PTGER3: variants seen among roughly 807,000 people sequenced by gnomAD.
PTGER3 encodes prostaglandin E2 receptor EP3 subtype.
A neutral mutation model predicts 34.7 loss-of-function variants in PTGER3; 22 were observed. That is an observed-to-expected ratio of 0.63 (90% confidence interval 0.45 to 0.91). The LOEUF (loss-of-function observed/expected upper bound fraction) is 0.91. Ranked by LOEUF, PTGER3 falls within the 40% of genes least tolerant of loss-of-function variation. PTGER3 has a pLI of 0.00. For missense variants in PTGER3, 468 were observed against 519.4 expected, an observed-to-expected ratio of 0.90 and a Z score of 0.96; for synonymous variants, 241 against 230.1, an observed-to-expected ratio of 1.05 and a Z score of -0.43.
chr1:71,047,562 C>T lies in PTGER3; in HGVS notation c.16G>A (p.Gly6Ser), dbSNP rs748393456. The T allele has an allele frequency of 8.4e-6, 13 of 1,552,318 alleles. No homozygotes were observed. The highest frequency in any genetic ancestry group is 2.3e-5 in the East Asian group (1 of 42,756). Reference protein sequence around the residue: MKETRGYGGDAPFCTR... With the variant: MKETRSYGGDAPFCTR... ...CAGAAGGGGGCATCCCCTCCGTAGCCCCGGGTCTCCTTCATGTTGGCTTCG... is the reference window on the plus strand; with the variant it reads ...CAGAAGGGGGCATCCCCTCCGTAGCTCCGGGTCTCCTTCATGTTGGCTTCG... Residue 6 changes from glycine (G) to serine (S), a missense_variant, in exon 1 of 4, where the codon GGC becomes AGC. Coordinates refer to ENST00000306666, the MANE Select transcript of PTGER3 (RefSeq NM_198719.2).
At chr1:70,951,406 A>C (rs1163149642), downstream of PTGER3, 1 of 152,222 alleles carries the variant, frequency 6.6e-6, no homozygotes, top group Non-Finnish European at 1.5e-5. Flanking sequence ...TAATTCACAA[A>C]AACACAGATG....
At chr1:70,906,911 T>A (rs1646960371) in intron 4 of PTGER3, among the ~76,000 whole-genome samples, 1 of 152,230 alleles carries the variant, frequency 6.6e-6, no homozygotes, top group South Asian at 2.1e-4. Context: ...AATGCAATCA[T>A]CATATAAAGC....
chr1:70,980,752 A>G (rs552741139), intron 2 of PTGER3, among the ~76,000 whole-genome samples: 1 of 152,184 alleles, frequency 6.6e-6, no homozygotes, highest in East Asian at 1.9e-4. Context: ...CATAACAAAC[A>G]GGCCATTTAT....
intron 3 of PTGER3, chr1:70,953,645 A>G (rs1651000536): frequency 7.0e-7 from 1 of 1,432,380 alleles, no homozygotes; most frequent in Middle Eastern, 1.8e-4. Flanking sequence ...CACATTCTTG[A>G]TAGGAAGGAA....
chr1:70,922,919 A>AT lies in PTGER3; in HGVS notation c.*23+30843dup, dbSNP rs1265711168. 4.6e-5 allele frequency among the ~76,000 whole-genome samples: 7 copies of AT among 152,240 alleles called. No individual in the cohort carries two copies. The East Asian group carries it at 5.8e-4, about 13-fold the overall frequency. ...GCTAAAGTTAAAGGGGTATTATTCC[A>AT]TTTTTTCTGTAAATTGAGCATTAGA... On this transcript the variant is annotated intron_variant, in intron 4 of 4. Transcript: ENST00000370931.
intron 2 of PTGER3, among the ~76,000 whole-genome samples, chr1:71,003,926 G>C (rs745407280): frequency 6.6e-6 from 1 of 152,166 alleles, no homozygotes; most frequent in Admixed American, 6.5e-5. Flanking sequence ...TTCTGACACT[G>C]TGCAAAAATC....
At chr1:71,043,600 G>T (rs575518929) in intron 1 of PTGER3, among the ~76,000 whole-genome samples, 58 of 152,214 alleles carry the variant, frequency 3.8e-4, no homozygotes, top group Non-Finnish European at 7.1e-4. Context: ...CCAACTTAAC[G>T]AATGCTAGCA....
chr1:70,893,696 T>A (rs1394121682), intron 4 of PTGER3, among the ~76,000 whole-genome samples: 2 of 152,184 alleles, frequency 1.3e-5, no homozygotes, highest in Non-Finnish European at 2.9e-5. Flanking sequence ...TAGGATTTTA[T>A]TACACAAAGT....
At chr1:70,933,187 G>T (rs1648887440) in intron 4 of PTGER3, among the ~76,000 whole-genome samples, 1 of 152,118 alleles carries the variant, frequency 6.6e-6, no homozygotes, top group Admixed American at 6.6e-5. Context: ...TGATTGAAGA[G>T]TGAATGATGT....
At chr1:70,962,354 C>T (rs1282077504) in intron 2 of PTGER3, among the ~76,000 whole-genome samples, 1 of 152,006 alleles carries the variant, frequency 6.6e-6, no homozygotes, top group East Asian at 1.9e-4. Context: ...GCTATCTCAA[C>T]AGGACTCTGC....
At chr1:70,854,767 C>T (rs1352629645) in intron 4 of PTGER3, among the ~76,000 whole-genome samples, 1 of 152,138 alleles carries the variant, frequency 6.6e-6, no homozygotes, top group South Asian at 2.1e-4. Flanking sequence ...TCAGGTAGTT[C>T]TTTATAGCAG....
At chr1:70,852,960 TG>T in intron 4 of PTGER3, 1 of 1,304,194 alleles carries the variant, frequency 7.7e-7, no homozygotes, top group South Asian at 1.2e-5. Context: ...TTTCAGATTA[TG>T]AACAGGAATG....
intron 4 of PTGER3, among the ~76,000 whole-genome samples, chr1:70,936,115 T>C (rs955727997): frequency 1.3e-5 from 2 of 152,260 alleles, no homozygotes; most frequent in Non-Finnish European, 2.9e-5. Flanking sequence ...GAACTCTAGA[T>C]AATATGAGCT....
chr1:70,987,426 G>GA (rs1176118176), intron 2 of PTGER3, among the ~76,000 whole-genome samples: 1 of 152,156 alleles, frequency 6.6e-6, no homozygotes, highest in African/African-American at 2.4e-5. Context: ...CAGATAAAAA[G>GA]AAAATATTAA....
intron 4 of PTGER3, among the ~76,000 whole-genome samples, chr1:70,875,721 A>C (rs940227854): frequency 6.6e-6 from 1 of 152,066 alleles, no homozygotes; most frequent in African/African-American, 2.4e-5. Context: ...AGGATGTGGC[A>C]TTTGGGTTTC....
chr1:71,004,728 C>T (rs1341852575), intron 2 of PTGER3, among the ~76,000 whole-genome samples: 1 of 152,110 alleles, frequency 6.6e-6, no homozygotes, highest in Admixed American at 6.5e-5. Context: ...AGATTGGAGG[C>T]ATCAATAGAA....
downstream of PTGER3, among the ~76,000 whole-genome samples, chr1:70,949,610 GA>G (rs931918016): frequency 6.6e-6 from 1 of 152,058 alleles, no homozygotes; most frequent in African/African-American, 2.4e-5. Context: ...TAACTACAAA[GA>G]AAAAAACATC....
At chr1:70,942,503 A>G (rs1160911776) in intron 4 of PTGER3, among the ~76,000 whole-genome samples, 1 of 152,160 alleles carries the variant, frequency 6.6e-6, no homozygotes, top group Non-Finnish European at 1.5e-5. Context: ...TTAAAATTCC[A>G]TAGATAAGCA....
intron 1 of PTGER3, among the ~76,000 whole-genome samples, chr1:71,041,721 G>A (rs1660328152): frequency 6.6e-6 from 1 of 152,204 alleles, no homozygotes; most frequent in South Asian, 2.1e-4. Flanking sequence ...GAAAAAATGG[G>A]AGAGTAAGAA....
Sources: allele counts gnomAD v4.1 joint callset (sites outside exome capture counted in the v4.1 genomes callset), GRCh38; gene constraint gnomAD v4.1.1; transcripts MANE v1.5; gene names NCBI Gene and HGNC (gene_info 2026-07-23, HGNC 2026-07-21).